TNRC6A: variants seen among roughly 807,000 people sequenced by gnomAD.
TNRC6A encodes trinucleotide repeat containing adaptor 6A.
TNRC6A carries 44 observed loss-of-function variants against 221.2 expected under a neutral mutation model. That is an observed-to-expected ratio of 0.20 (90% CI 0.16 to 0.26). The LOEUF is 0.26. TNRC6A is among the 10% of genes least tolerant of loss of function. TNRC6A has a pLI of 1.00. For missense variants in TNRC6A, 2,199 were observed against 2,404.4 expected, an observed-to-expected ratio of 0.91 and a Z score of 1.79; for synonymous variants, 847 against 838.5, an observed-to-expected ratio of 1.01 and a Z score of -0.18.
chr16:24,625,737 C>CAAAAAA (rs749882396), intron 1 of TNRC6A, among the ~76,000 whole-genome samples: 13 of 23,894 alleles, frequency 5.4e-4, no homozygotes, highest in Non-Finnish European at 8.4e-4. Flanking sequence ...CGTCTCAAAA[C>CAAAAAA]AAAAAAAAAA....
At chr16:24,751,527 A>G (rs1230530933) in intron 3 of TNRC6A, among the ~76,000 whole-genome samples, 1 of 152,200 alleles carries the variant, frequency 6.6e-6, no homozygotes, top group African/African-American at 2.4e-5. Flanking sequence ...GTTACATACC[A>G]AACAATTGTA....
chr16:24,651,344 G>C (rs1902637146), intron 2 of TNRC6A, among the ~76,000 whole-genome samples: 1 of 151,682 alleles, frequency 6.6e-6, no homozygotes, highest in Non-Finnish European at 1.5e-5. Flanking sequence ...TTCGAGACCA[G>C]CCTGACCAAC....
At chr16:24,746,705 C>G (rs2057018151) in intron 2 of TNRC6A, among the ~76,000 whole-genome samples, 1 of 152,126 alleles carries the variant, frequency 6.6e-6, no homozygotes, top group Admixed American at 6.5e-5. Context: ...TCACCAGAAG[C>G]TTAGTGCTAG....
intron 2 of TNRC6A, among the ~76,000 whole-genome samples, chr16:24,657,317 C>CAAAAAAAAAAAAAA (rs56241898): frequency 2.3e-5 from 2 of 88,168 alleles, no homozygotes; most frequent in African/African-American, 1.0e-4. Context: ...GACCCTATCT[C>CAAAAAAAAAAAAAA]AAAAAAAAAA....
chr16:24,642,178 G>C (rs1241613360), intron 2 of TNRC6A, among the ~76,000 whole-genome samples: 1 of 152,168 alleles, frequency 6.6e-6, no homozygotes, highest in East Asian at 1.9e-4. Context: ...ATAGGGAGGG[G>C]CTCTCAGCAA....
intron 4 of TNRC6A, among the ~76,000 whole-genome samples, chr16:24,768,875 A>C (rs2057531636): frequency 6.6e-6 from 1 of 152,206 alleles, no homozygotes; most frequent in Admixed American, 6.5e-5. Flanking sequence ...TAAGGGCTTG[A>C]GGTATTAAGG....
At chr16:24,794,314 A>G (rs1464794401) in intron 7 of TNRC6A, among the ~76,000 whole-genome samples, 1 of 152,224 alleles carries the variant, frequency 6.6e-6, no homozygotes, top group Non-Finnish European at 1.5e-5. Context: ...TGATTTGTTA[A>G]AGGCATGGAG....
chr16:24,714,160 T>C (rs972956470), intron 2 of TNRC6A, among the ~76,000 whole-genome samples: 1 of 152,162 alleles, frequency 6.6e-6, no homozygotes, highest in African/African-American at 2.4e-5. Context: ...ATAACCCATA[T>C]AGGTTGTTCC....
In TNRC6A at chr16:24,806,778, C is replaced by T. The variant is rs992365118; in HGVS notation, c.4534C>T (p.Pro1512Ser). The T allele has an allele frequency of 6.2e-7, 1 of 1,614,136 alleles. No individual in the cohort carries two copies. Among genetic ancestry groups the T allele is most frequent in the Non-Finnish European group, 8.5e-7 (1 of 1,180,032 alleles). Residue 1512 changes from proline to serine, a missense_variant, in exon 17 of 25, where the codon CCT (proline) becomes TCT (serine). Physicochemically the swap from Pro to Ser is moderately conservative, Grantham distance 74. Coordinates refer to ENST00000395799, the MANE Select transcript of TNRC6A (RefSeq NM_014494.4). ...ACCAATAAATGCTTTCAGCAACTTCCCTATAGGTGGGTTTCTCCTTGGCCC... is the reference window on the plus strand; with the variant it reads ...ACCAATAAATGCTTTCAGCAACTTCTCTATAGGTGGGTTTCTCCTTGGCCC... ...PSPINAFSNF[P>S]IGLNSNLNVN... is the part of the protein sequence containing the mutation.
Position 24,823,546 on chromosome 16 carries a change from G to T in TNRC6A, c.5628G>T (p.Gly1876=). The T allele has an allele frequency of 6.2e-7, 1 of 1,614,126 alleles. No homozygotes were observed. Among genetic ancestry groups the T allele is most frequent in the East Asian group, 2.2e-5 (1 of 44,864 alleles). Residue 1876 remains glycine (G), a synonymous_variant, in exon 25 of 25, where the codon GGG becomes GGT. Coordinates refer to ENST00000395799, the MANE Select transcript of TNRC6A (RefSeq NM_014494.4). The surrounding 1 kb of genome is among the most constrained non-coding windows in gnomAD (Gnocchi z 4.3). ...LTPSPGWQSL[G]SSQSRLGSLD... Reference sequence around the variant, plus strand: ...CTTCTCCCGGCTGGCAGTCTCTCGGGTCCAGCCAGAGCCGGCTGGGCTCCC... The same window carrying T: ...CTTCTCCCGGCTGGCAGTCTCTCGGTTCCAGCCAGAGCCGGCTGGGCTCCC...
intron 1 of TNRC6A, among the ~76,000 whole-genome samples, chr16:24,628,224 G>A (rs1234920527): frequency 2.6e-5 from 4 of 151,426 alleles, no homozygotes; most frequent in Non-Finnish European, 4.4e-5. Context: ...TTGGAGACTA[G>A]CCTGACCAAC....
intron 1 of TNRC6A, among the ~76,000 whole-genome samples, chr16:24,634,074 G>A (rs558076795): frequency 3.3e-5 from 5 of 152,264 alleles, no homozygotes; most frequent in East Asian, 1.9e-4. Context: ...GAGCCACTGG[G>A]CCAGACCAAA....
intron 1 of TNRC6A, among the ~76,000 whole-genome samples, chr16:24,619,219 G>A (rs1391920880): frequency 1.3e-5 from 2 of 152,096 alleles, no homozygotes; most frequent in Non-Finnish European, 2.9e-5. Flanking sequence ...CCCCAGCATC[G>A]CTTGGAGTTA....
At chr16:24,750,646 A>G (rs1049839820) in intron 2 of TNRC6A, 80 bp from the exon 3 acceptor site, 1 of 1,383,614 alleles carries the variant, frequency 7.2e-7, no homozygotes, top group Non-Finnish European at 9.5e-7. Flanking sequence ...AGAGTGAAAA[A>G]GTGAAAATGA....
chr16:24,618,949 G>C (rs1900526944), intron 1 of TNRC6A, among the ~76,000 whole-genome samples: 1 of 152,034 alleles, frequency 6.6e-6, no homozygotes, highest in South Asian at 2.1e-4. Context: ...GTAATATACT[G>C]AATAGTACAG....
At chr16:24,647,925 A>G (rs922434099) in intron 2 of TNRC6A, among the ~76,000 whole-genome samples, 4 of 152,028 alleles carry the variant, frequency 2.6e-5, no homozygotes, top group Admixed American at 6.6e-5. Context: ...TTCTATATCT[A>G]TGAGTTTGAC....
In TNRC6A at chr16:24,786,243, CATTT is replaced by C. The variant is rs775322515; in HGVS notation, c.590-2985_590-2982del. Among the ~76,000 whole-genome samples the C allele has an allele frequency of 2.7e-4, 41 of 152,214 alleles. 2 individuals carry two copies. The highest frequency in any genetic ancestry group is 1.9e-3 in the East Asian group (10 of 5,188). ...ATTTATCAATGATAATAATGGCCCTCATTTATTAAGCACCTAATATGGATCAGAT... is the reference window on the plus strand; with the variant it reads ...ATTTATCAATGATAATAATGGCCCTCATTAAGCACCTAATATGGATCAGAT... On this transcript the variant is annotated intron_variant, in intron 5 of 24. Coordinates refer to ENST00000395799, the MANE Select transcript of TNRC6A (RefSeq NM_014494.4).
chr16:24,791,851 T>G, intron 6 of TNRC6A, 34 bp downstream of exon 6: 1 of 1,469,936 alleles, frequency 6.8e-7, no homozygotes, highest in Non-Finnish European at 9.0e-7. Flanking sequence ...AAGCCTTGTT[T>G]TAACTTACTG....
intron 2 of TNRC6A, among the ~76,000 whole-genome samples, chr16:24,660,002 T>C (rs1276798235): frequency 6.6e-6 from 1 of 152,188 alleles, no homozygotes; most frequent in Non-Finnish European, 1.5e-5. Context: ...TGAGCTATAG[T>C]CATATGTTAG....
Sources: gnomAD v4.1 joint callset for allele counts (sites outside exome capture counted in the v4.1 genomes callset) on GRCh38, gnomAD v4.1.1 for gene constraint, Gnocchi (gnomAD v3.1) non-coding constraint, MANE v1.5 for transcripts, NCBI Gene and HGNC (gene_info 2026-07-23, HGNC 2026-07-21) for gene names.